Variants in NTRK2 observed in about 807,000 individuals in gnomAD.
The protein encoded by NTRK2 is BDNF/NT-3 growth factors receptor.
Under a neutral mutation model 94.5 loss-of-function variants are expected in NTRK2, and 13 were observed. That is an observed-to-expected ratio of 0.14 (90% confidence interval 0.09 to 0.22). NTRK2 has a LOEUF of 0.22. NTRK2 is among the 10% of genes least tolerant of loss of function. The probability of loss-of-function intolerance (pLI) is 1.00; values close to 1 mark genes in which losing one functional copy is unlikely to be tolerated. For missense variants in NTRK2, 639 were observed against 1,071.2 expected (o/e 0.60, Z 5.63); for synonymous variants, 372 against 407.4 (o/e 0.91, Z 1.05).
At chr9:84,912,485 C>CCT (rs370968114) in intron 14 of NTRK2, among the ~76,000 whole-genome samples, 2 of 131,728 alleles carry the variant, frequency 1.5e-5, no homozygotes, top group Admixed American at 1.6e-4. Flanking sequence ...ATTTCATATC[C>CCT]CTCTCTCTCT....
At chr9:84,894,818 C>T (rs1303906600) in intron 14 of NTRK2, among the ~76,000 whole-genome samples, 1 of 152,174 alleles carries the variant, frequency 6.6e-6, no homozygotes, top group East Asian at 1.9e-4. Context: ...ACCAGGGACA[C>T]AATTCATAAG....
intron 12 of NTRK2, among the ~76,000 whole-genome samples, chr9:84,839,464 G>C (rs1483198315): frequency 6.6e-6 from 1 of 152,146 alleles, no homozygotes; most frequent in Non-Finnish European, 1.5e-5. Flanking sequence ...TCTTGGACCC[G>C]TCCTCCCATT....
At chr9:84,713,112 A>C (rs895097007) in intron 6 of NTRK2, among the ~76,000 whole-genome samples, 3 of 152,176 alleles carry the variant, frequency 2.0e-5, no homozygotes, top group Non-Finnish European at 4.4e-5. Flanking sequence ...TGTCTTTCTA[A>C]AAACTGCTGT....
intron 2 of NTRK2, among the ~76,000 whole-genome samples, chr9:84,690,271 C>G (rs191951719): frequency 6.6e-6 from 1 of 152,184 alleles, no homozygotes; most frequent in African/African-American, 2.4e-5. Context: ...ACATTATGCT[C>G]ATTTTTCTCT....
intron 12 of NTRK2, among the ~76,000 whole-genome samples, chr9:84,844,851 C>T (rs1226555425): frequency 6.6e-6 from 1 of 151,648 alleles, no homozygotes; most frequent in East Asian, 1.9e-4. Flanking sequence ...AAGAATTCAT[C>T]CATGTAACCA....
chr9:84,821,102 TC>T (rs1278998575), intron 12 of NTRK2, among the ~76,000 whole-genome samples: 1 of 152,244 alleles, frequency 6.6e-6, no homozygotes, highest in Non-Finnish European at 1.5e-5. Flanking sequence ...TAACCTGTTT[TC>T]TTTTTTTTAT....
intron 6 of NTRK2, among the ~76,000 whole-genome samples, chr9:84,713,511 T>G (rs2061535160): frequency 1.3e-5 from 2 of 152,180 alleles, no homozygotes; most frequent in Non-Finnish European, 2.9e-5. Flanking sequence ...TCTTTGTATA[T>G]CATAGACTTT....
intron 17 of NTRK2, among the ~76,000 whole-genome samples, chr9:85,004,670 A>G (rs1244550067): frequency 1.3e-5 from 2 of 152,192 alleles, no homozygotes; most frequent in African/African-American, 2.4e-5. Context: ...CACAAAAAAA[A>G]GAATGCCAGT....
intron 12 of NTRK2, among the ~76,000 whole-genome samples, chr9:84,841,865 G>A (rs2074205351): frequency 6.6e-6 from 1 of 152,160 alleles, no homozygotes. Flanking sequence ...ATAAATATTT[G>A]TTGAATAAAT....
intron 2 of NTRK2, 56 bp from the exon 3 acceptor site, chr9:84,702,103 A>G: frequency 1.3e-6 from 2 of 1,518,802 alleles, no homozygotes; most frequent in Non-Finnish European, 9.1e-7. Context: ...GGAGTTCTTC[A>G]TGGTGCTGCT....
At chr9:84,924,989 C>CG (rs1246366321) in intron 14 of NTRK2, among the ~76,000 whole-genome samples, 1 of 152,124 alleles carries the variant, frequency 6.6e-6, no homozygotes, top group African/African-American at 2.4e-5. Context: ...GGATGGCTCG[C>CG]GTGTCTAGGC....
intron 17 of NTRK2, among the ~76,000 whole-genome samples, chr9:85,016,438 C>A (rs1174212307): frequency 6.6e-6 from 1 of 152,206 alleles, no homozygotes; most frequent in Admixed American, 6.5e-5. Context: ...GGCCCCACAG[C>A]ATATCAGGCT....
Position 84,934,211 on chromosome 9 carries a change from C to A in NTRK2, c.1683C>A (p.Gly561=), listed in dbSNP as rs78346623. 5 of 1,613,914 alleles carry A rather than the reference C, an allele frequency of 3.1e-6. No individual in the cohort carries two copies. In the East Asian group the frequency reaches 1.1e-4, roughly 36 times the overall value. Residue 561 remains glycine, a synonymous_variant, in exon 15 of 19, where the codon GGC becomes GGA. Transcript: ENST00000277120. The stretch of plus-strand genomic sequence containing the variant: ...ACATTGTTCTGAAAAGGGAGCTAGG[C>A]GAAGGAGCCTTTGGAAAAGTGTTCC... The part of the protein sequence containing the change: ...RHNIVLKREL[G]EGAFGKVFLA...
intron 12 of NTRK2, among the ~76,000 whole-genome samples, chr9:84,785,228 C>G (rs907106391): frequency 2.0e-5 from 3 of 152,166 alleles, no homozygotes; most frequent in Non-Finnish European, 2.9e-5. Flanking sequence ...CTCCCACCCT[C>G]CATCACACAG....
At chr9:84,736,627 G>T (rs184550318) in intron 9 of NTRK2, among the ~76,000 whole-genome samples, 1 of 152,314 alleles carries the variant, frequency 6.6e-6, no homozygotes, top group East Asian at 1.9e-4. Context: ...AAATAACTGA[G>T]AAGAGAATGA....
chr9:84,797,339 A>G (rs1005197076), intron 12 of NTRK2, among the ~76,000 whole-genome samples: 9 of 151,334 alleles, frequency 5.9e-5, no homozygotes, highest in Admixed American at 2.0e-4. Flanking sequence ...GCAGAAATGG[A>G]ATGACCTGAA....
At chr9:84,874,001 TCAC>T (rs2075971689) in intron 14 of NTRK2, 1 of 1,064,040 alleles carries the variant, frequency 9.4e-7, no homozygotes, top group Non-Finnish European at 1.1e-6. Context: ...CAGTCCAATT[TCAC>T]CAAAGCATCA....
rs992818318 is a variant in NTRK2 at position 85,025,210 on chromosome 9, C to T, written c.*3773C>T. ...CAAAACAACTGAATAAAAGCCATCC[C>T]ACTACATTGAGTGCTTTCTCTGGCT... On this transcript the variant is annotated 3_prime_UTR_variant, in exon 19 of 19. Coordinates refer to ENST00000277120, the MANE Select transcript of NTRK2 (RefSeq NM_006180.6). The T allele has an allele frequency of 4.3e-6, 1 of 233,036 alleles. No homozygotes were observed. Among genetic ancestry groups the T allele is most frequent in the African/African-American group, 2.2e-5 (1 of 45,328 alleles). 14.4% of individuals were successfully genotyped at this position (233,036 alleles called of 1,614,324 possible).
At chr9:84,926,102 TTCCTTTCCTTCCTTCCTTCCTTCC>T (rs1464122468) in intron 14 of NTRK2, among the ~76,000 whole-genome samples, 139 of 146,208 alleles carry the variant, frequency 9.5e-4, no homozygotes, top group African/African-American at 3.4e-3. Flanking sequence ...CCTTCCTTCC[TTCCTTTCCTTCCTTCCTTCCTTCC>T]TTCCTTCCTT....
Sources: gnomAD v4.1 joint callset for allele counts (sites outside exome capture counted in the v4.1 genomes callset) on GRCh38, gnomAD v4.1.1 for gene constraint, MANE v1.5 for transcripts, NCBI Gene and HGNC (gene_info 2026-07-23, HGNC 2026-07-21) for gene names.